Variants in PVT1 observed in about 807,000 individuals in gnomAD.
PVT1 encodes CXCR4/PVT1 fusion.
chr8:127,849,691 A>G (rs1385310662), intron 2 of PVT1, among the ~76,000 whole-genome samples: 2 of 141,138 alleles, frequency 1.4e-5, no homozygotes, highest in African/African-American at 5.5e-5. Flanking sequence ...CAGCCTGTAC[A>G]TATGTGTGTG....
At chr8:128,037,371 G>A (rs889593361) in intron 4 of PVT1, among the ~76,000 whole-genome samples, 1 of 152,236 alleles carries the variant, frequency 6.6e-6, no homozygotes, top group Admixed American at 6.5e-5. Context: ...TTTTTCAGGT[G>A]TGGGTTTGGG....
chr8:127,989,249 T>TA (rs1161722483), exon 4 of PVT1: 1 of 152,226 alleles, frequency 6.6e-6, no homozygotes, highest in Non-Finnish European at 1.5e-5. Flanking sequence ...GAACTGTCCT[T>TA]ACGTGACCTA....
chr8:127,868,796 TATATATGTAC>T (rs1815319185), intron 2 of PVT1, among the ~76,000 whole-genome samples: 1 of 121,334 alleles, frequency 8.2e-6, no homozygotes, highest in African/African-American at 3.4e-5. Context: ...TATATATACA[TATATATGTAC>T]ATATATATAT....
intron 4 of PVT1, among the ~76,000 whole-genome samples, chr8:128,026,561 A>G (rs1279219114): frequency 6.6e-6 from 1 of 152,036 alleles, no homozygotes; most frequent in Non-Finnish European, 1.5e-5. Flanking sequence ...CTCTGTCTCC[A>G]TCTCTGCAAC....
At chr8:128,053,760 C>T (rs1436772572) in intron 4 of PVT1, among the ~76,000 whole-genome samples, 1 of 152,188 alleles carries the variant, frequency 6.6e-6, no homozygotes, top group African/African-American at 2.4e-5. Context: ...AACAAGTCTC[C>T]TGTTCTCAGC....
intron 4 of PVT1, among the ~76,000 whole-genome samples, chr8:127,994,488 C>G (rs972142511): frequency 1.3e-5 from 2 of 152,196 alleles, no homozygotes; most frequent in Non-Finnish European, 2.9e-5. Flanking sequence ...CTTTGTCCTT[C>G]TTTAAAGCCT....
At chr8:127,982,995 C>T (rs1290512905) in intron 3 of PVT1, among the ~76,000 whole-genome samples, 1 of 152,154 alleles carries the variant, frequency 6.6e-6, no homozygotes, top group Admixed American at 6.5e-5. Flanking sequence ...GGCAGGGAGA[C>T]ACGGGTCTGG....
intron 2 of PVT1, among the ~76,000 whole-genome samples, chr8:127,872,327 C>T (rs1473821157): frequency 6.6e-6 from 1 of 152,024 alleles, no homozygotes; most frequent in South Asian, 2.1e-4. Context: ...GTGGGAGAAT[C>T]GCTTGAACCC....
chr8:127,913,936 A>G (rs1157771404), intron 3 of PVT1, among the ~76,000 whole-genome samples: 1 of 152,080 alleles, frequency 6.6e-6, no homozygotes, highest in African/African-American at 2.4e-5. Flanking sequence ...CCAGGCCCAC[A>G]TGCAGAATCC....
intron 2 of PVT1, among the ~76,000 whole-genome samples, chr8:127,858,569 A>G (rs1815185906): frequency 6.6e-6 from 1 of 151,972 alleles, no homozygotes; most frequent in African/African-American, 2.4e-5. Context: ...AATATTGGCC[A>G]AAAGGCCAGA....
At chr8:127,947,500 C>T (rs1366296423) in intron 3 of PVT1, 3 of 348,438 alleles carry the variant, frequency 8.6e-6, no homozygotes, top group African/African-American at 6.4e-5. Context: ...ATCCCAATGC[C>T]AGGCACACTG....
chr8:128,007,425 A>G (rs1817260181), intron 4 of PVT1, among the ~76,000 whole-genome samples: 1 of 145,624 alleles, frequency 6.9e-6, no homozygotes, highest in African/African-American at 2.5e-5. Flanking sequence ...TAAAATAAAA[A>G]CTAAAAAAAA....
At position 128,041,217 on chromosome 8, in the gene PVT1, G is replaced by A. The variant is rs550148211; in HGVS notation, n.913-28943G>A. Among the ~76,000 whole-genome samples, 8 of 69,900 alleles carry A rather than the reference G, an allele frequency of 1.1e-4. No homozygotes were observed. The East Asian group carries it at 5.6e-3, about 49-fold the overall frequency. 45.9% of individuals were successfully genotyped at this position (69,900 alleles called of 152,430 possible). A position where few individuals can be genotyped will look rare whatever the true frequency, so the allele number is the denominator to read the frequency against. On this transcript the variant is annotated intron_variant and non_coding_transcript_variant, in intron 4 of 10. Transcript: ENST00000651587. ...TGTTCGTGTGTTTGCATGTGTGTTT[G>A]TGTGTGTGCATGTGTGTGTGTTGTT...
intron 3 of PVT1, among the ~76,000 whole-genome samples, chr8:127,916,118 C>T (rs1166994503): frequency 6.6e-6 from 1 of 152,214 alleles, no homozygotes; most frequent in Non-Finnish European, 1.5e-5. Flanking sequence ...TGGATGAGTG[C>T]CTTCAACCCT....
chr8:128,011,349 G>C (rs182472765), intron 4 of PVT1, among the ~76,000 whole-genome samples: 3 of 152,288 alleles, frequency 2.0e-5, no homozygotes, highest in South Asian at 4.1e-4. Context: ...GTATTAAGAA[G>C]TGGACCTTTG....
intron 3 of PVT1, among the ~76,000 whole-genome samples, chr8:127,940,764 C>A (rs1816339879): frequency 6.6e-6 from 1 of 152,002 alleles, no homozygotes; most frequent in Non-Finnish European, 1.5e-5. Context: ...CCACACCTGG[C>A]TAATTTTTTG....
chr8:127,937,153 C>T (rs2129899887), intron 3 of PVT1, among the ~76,000 whole-genome samples: 1 of 152,366 alleles, frequency 6.6e-6, no homozygotes, highest in South Asian at 2.1e-4. Flanking sequence ...TTTACCTCTA[C>T]AAGTAAACTG....
chr8:127,859,042 G>A (rs968450728), intron 2 of PVT1, among the ~76,000 whole-genome samples: 1 of 151,810 alleles, frequency 6.6e-6, no homozygotes, highest in Non-Finnish European at 1.5e-5. Context: ...TCCAGAGCTC[G>A]AGTGATTCTC....
chr8:127,841,499 C>T (rs536579953), intron 2 of PVT1, among the ~76,000 whole-genome samples: 22 of 152,234 alleles, frequency 1.4e-4, no homozygotes, highest in African/African-American at 4.8e-4. Flanking sequence ...GTCTTGAACT[C>T]CTGACCTCAA....
Sources: gnomAD v4.1 joint callset for allele counts (sites outside exome capture counted in the v4.1 genomes callset) on GRCh38, gnomAD v4.1.1 for gene constraint, MANE v1.5 for transcripts, NCBI Gene and HGNC (gene_info 2026-07-23, HGNC 2026-07-21) for gene names.